Variants in AGBL4 observed in about 807,000 individuals in gnomAD.
AGBL4 encodes the protein AGBL carboxypeptidase 4.
A neutral mutation model predicts 66.4 loss-of-function variants in AGBL4; 58 were observed. That is an observed-to-expected ratio of 0.87 (90% CI 0.71 to 1.09). AGBL4 has a LOEUF of 1.09. Among genes scored for constraint, AGBL4 ranks in the 50% least tolerant of loss-of-function variants. The pLI, the probability that AGBL4 is intolerant of heterozygous loss-of-function variation, is 0.00. For missense variants in AGBL4, 579 were observed against 631.0 expected (o/e 0.92, Z 0.88); for synonymous variants, 234 against 222.9 (o/e 1.05, Z -0.44).
At chr1:49,602,977 A>T (rs1644990738) in intron 3 of AGBL4, among the ~76,000 whole-genome samples, 1 of 152,168 alleles carries the variant, frequency 6.6e-6, no homozygotes, top group African/African-American at 2.4e-5. Context: ...TTCATACAAC[A>T]ACCCTTTAAA....
chr1:48,697,622 A>T, intron 6 of AGBL4, among the ~76,000 whole-genome samples: 1 of 152,220 alleles, frequency 6.6e-6, no homozygotes, highest in East Asian at 1.9e-4. Context: ...GAGAGATTTC[A>T]GTACTGACCA....
At chr1:49,082,590 T>C (rs984964310) in intron 4 of AGBL4, among the ~76,000 whole-genome samples, 1 of 152,194 alleles carries the variant, frequency 6.6e-6, no homozygotes, top group Non-Finnish European at 1.5e-5. Context: ...CATGATTCAA[T>C]TATCTCCACC....
chr1:49,663,811 G>T (rs1312610374), intron 3 of AGBL4, among the ~76,000 whole-genome samples: 1 of 151,976 alleles, frequency 6.6e-6, no homozygotes, highest in African/African-American at 2.4e-5. Flanking sequence ...TATCCATTGG[G>T]AATAGGAGTG....
At chr1:49,309,035 C>T (rs1644899310) in intron 3 of AGBL4, among the ~76,000 whole-genome samples, 1 of 151,982 alleles carries the variant, frequency 6.6e-6, no homozygotes, top group African/African-American at 2.4e-5. Flanking sequence ...TATTGACCAA[C>T]TCAATCTAAT....
At chr1:49,979,877 G>A (rs1402237144) in intron 1 of AGBL4, among the ~76,000 whole-genome samples, 1 of 152,172 alleles carries the variant, frequency 6.6e-6, no homozygotes, top group Non-Finnish European at 1.5e-5. Flanking sequence ...TGCTTGGTAT[G>A]TACCATACAT....
intron 6 of AGBL4, among the ~76,000 whole-genome samples, chr1:48,725,722 T>G (rs908219231): frequency 6.6e-6 from 1 of 152,224 alleles, no homozygotes; most frequent in African/African-American, 2.4e-5. Flanking sequence ...TAACCTTTTT[T>G]GAGCCCATTT....
At chr1:50,022,584 T>C (rs1662523287) in intron 1 of AGBL4, among the ~76,000 whole-genome samples, 1 of 150,946 alleles carries the variant, frequency 6.6e-6, no homozygotes, top group African/African-American at 2.4e-5. Flanking sequence ...TCAGTTCCAG[T>C]TTCTGGGGTG....
intron 3 of AGBL4, among the ~76,000 whole-genome samples, chr1:49,378,508 C>A (rs754163787): frequency 6.6e-6 from 1 of 151,912 alleles, no homozygotes; most frequent in Non-Finnish European, 1.5e-5. Context: ...AGAGAGAGAA[C>A]CCTGGTGAGA....
intron 1 of AGBL4, among the ~76,000 whole-genome samples, chr1:49,965,210 C>G (rs1022429175): frequency 1.3e-5 from 2 of 152,144 alleles, no homozygotes; most frequent in Admixed American, 1.3e-4. Context: ...AAGTGAGCAC[C>G]TACATATGCA....
chr1:49,686,663 A>G (rs1368687971), intron 3 of AGBL4, among the ~76,000 whole-genome samples: 1 of 152,216 alleles, frequency 6.6e-6, no homozygotes, highest in African/African-American at 2.4e-5. Context: ...GTCTTATTCA[A>G]TGCTGATTCC....
chr1:49,830,799 G>T (rs1645651237), intron 2 of AGBL4, among the ~76,000 whole-genome samples: 1 of 152,116 alleles, frequency 6.6e-6, no homozygotes, highest in African/African-American at 2.4e-5. Flanking sequence ...GTGTAAGGAA[G>T]GGGTCCAGTT....
In AGBL4 at chr1:48,940,887, T is replaced by C. The variant is rs183205626; in HGVS notation, c.595-73657A>G. On this transcript the variant is annotated intron_variant, in intron 5 of 13. Coordinates refer to ENST00000371839, the MANE Select transcript of AGBL4 (RefSeq NM_032785.4). ...AAGTCAGAGCTACATATGAGTTTTG[T>C]GGTGAGCAAAAATCAAAACCAAAAC... 3.1e-3 allele frequency among the ~76,000 whole-genome samples: 477 copies of C among 152,326 alleles called. 3 individuals carry two copies. The highest frequency in any genetic ancestry group is 0.01 in the African/African-American group (424 of 41,578).
intron 11 of AGBL4, among the ~76,000 whole-genome samples, chr1:48,565,289 G>A (rs1398857027): frequency 1.3e-5 from 2 of 152,106 alleles, no homozygotes; most frequent in Non-Finnish European, 2.9e-5. Context: ...CCAGAGTCCA[G>A]CCGAGGGCCC....
At chr1:48,588,797 T>TAAGAG (rs1644865618) in intron 10 of AGBL4, among the ~76,000 whole-genome samples, 3 of 60,794 alleles carry the variant, frequency 4.9e-5, no homozygotes, top group Non-Finnish European at 1.1e-4. Flanking sequence ...GCATTGAGGA[T>TAAGAG]CAGAGAAGAG....
intron 3 of AGBL4, among the ~76,000 whole-genome samples, chr1:49,383,392 A>C (rs563109523): frequency 1.3e-5 from 2 of 152,330 alleles, no homozygotes; most frequent in East Asian, 1.9e-4. Context: ...TTCTGAATTC[A>C]AACATATTAC....
intron 3 of AGBL4, among the ~76,000 whole-genome samples, chr1:49,613,478 CATCT>C (rs1317813425): frequency 6.6e-6 from 1 of 152,190 alleles, no homozygotes; most frequent in African/African-American, 2.4e-5. Context: ...AGTGAAGCTT[CATCT>C]GTATTTACAG....
At chr1:49,137,577 TA>T (rs1165673563) in intron 4 of AGBL4, among the ~76,000 whole-genome samples, 1 of 152,150 alleles carries the variant, frequency 6.6e-6, no homozygotes, top group Non-Finnish European at 1.5e-5. Flanking sequence ...GATCTGCCAA[TA>T]AATCAAGAAC....
chr1:49,998,101 C>A (rs1294457632), intron 1 of AGBL4, among the ~76,000 whole-genome samples: 1 of 151,042 alleles, frequency 6.6e-6, no homozygotes, highest in Non-Finnish European at 1.5e-5. Flanking sequence ...AAGATCAGAA[C>A]AGAACTAAAT....
intron 6 of AGBL4, among the ~76,000 whole-genome samples, chr1:48,816,084 T>TA (rs879694205): frequency 0.024 from 3,541 of 145,794 alleles, 150 homozygotes; most frequent in African/African-American, 0.086. Flanking sequence ...TGTGTGTGTG[T>TA]GTGTGTGTAG....
Sources: gnomAD v4.1 joint callset for allele counts (sites outside exome capture counted in the v4.1 genomes callset) on GRCh38, gnomAD v4.1.1 for gene constraint, MANE v1.5 for transcripts, NCBI Gene and HGNC (gene_info 2026-07-23, HGNC 2026-07-21) for gene names.